Variants in FHIP2A observed in about 807,000 individuals in gnomAD.
The protein encoded by FHIP2A is family with sequence similarity 160 member B1.
Under a neutral mutation model 93.5 loss-of-function variants are expected in FHIP2A, and 46 were observed. The observed-to-expected ratio is 0.49, with a 90% confidence interval of 0.39 to 0.63. The LOEUF (loss-of-function observed/expected upper bound fraction) is 0.63, where lower values mean the gene tolerates loss of function less well. Among genes scored for constraint, FHIP2A ranks in the 20% least tolerant of loss-of-function variants. The pLI, the probability that FHIP2A is intolerant of heterozygous loss-of-function variation, is 0.00. For missense variants in FHIP2A, 769 were observed against 909.7 expected (o/e 0.85, Z 1.99); for synonymous variants, 332 against 326.5 (o/e 1.02, Z -0.18).
chr10:114,832,767 A>T (rs1450564933), intron 2 of FHIP2A, among the ~76,000 whole-genome samples: 1 of 143,268 alleles, frequency 7.0e-6, no homozygotes, highest in Non-Finnish European at 1.5e-5. Flanking sequence ...GCTGACGTTC[A>T]GTGGTGCGAT....
chr10:114,847,409 C>A (rs1040385196), intron 12 of FHIP2A, among the ~76,000 whole-genome samples, 176 bp downstream of exon 12: 4 of 151,962 alleles, frequency 2.6e-5, no homozygotes, highest in Non-Finnish European at 4.4e-5. Flanking sequence ...CTGCCCCAGC[C>A]TCCCAAGTAG....
intron 13 of FHIP2A, among the ~76,000 whole-genome samples, chr10:114,850,766 G>A (rs2083730220): frequency 6.6e-6 from 1 of 152,150 alleles, no homozygotes; most frequent in African/African-American, 2.4e-5. Context: ...TTGTTGAGTT[G>A]TAAGAGTCCC....
chr10:114,892,568 G>A (rs2083980582), intron 16 of FHIP2A, among the ~76,000 whole-genome samples: 1 of 152,122 alleles, frequency 6.6e-6, no homozygotes, highest in African/African-American at 2.4e-5. Flanking sequence ...AACCCGGGAG[G>A]AGGAGGTTGC....
chr10:114,846,505 G>A, intron 10 of FHIP2A, 54 bp from the exon 11 acceptor site: 3 of 1,500,762 alleles, frequency 2.0e-6, no homozygotes, highest in Non-Finnish European at 2.7e-6. Context: ...ATGGTAAGAA[G>A]AGTAACTTAT....
chr10:114,890,655 G>A (rs111444331), intron 16 of FHIP2A, among the ~76,000 whole-genome samples: 8,794 of 140,256 alleles, frequency 0.063, 455 homozygotes, highest in Admixed American at 0.14. Flanking sequence ...TGACATATAC[G>A]GTATATAAAA....
rs370166086 is a variant in FHIP2A at position 114,843,007 on chromosome 10, C to T, written c.597C>T (p.Ser199=). The change falls in exon 6 of 17, where the codon TCC becomes TCT. Residue 199 remains serine, a synonymous_variant. Coordinates refer to ENST00000369248, the MANE Select transcript of FHIP2A (RefSeq NM_020940.4). ...AAGATACATTAAAAGGTCAGGATTC[C>T]TTGTCAACAGATACAGGACAGTCCC... ...ISEDTLKGQD[S]LSTDTGQSRQ... 7 of 1,613,466 alleles carry T rather than the reference C, an allele frequency of 4.3e-6. No individual in the cohort carries two copies. The African/African-American group carries it at 9.3e-5, about 22-fold the overall frequency.
At chr10:114,824,138 A>G (rs2420066) in intron 1 of FHIP2A, among the ~76,000 whole-genome samples, 62,100 of 152,022 alleles carry the variant, frequency 0.41, 13,293 homozygotes, top group Non-Finnish European at 0.48. Flanking sequence ...AGGGACTTGA[A>G]CATCCTCAGA....
At chr10:114,856,944 A>G (rs1222211593) in intron 14 of FHIP2A, among the ~76,000 whole-genome samples, 2 of 152,052 alleles carry the variant, frequency 1.3e-5, no homozygotes, top group Non-Finnish European at 2.9e-5. Flanking sequence ...TTTTATCTTT[A>G]AAACTCTTGA....
rs1311958111 is a variant in FHIP2A, at chr10:114,835,492, A to G, written c.295-45A>G. On this transcript the variant is annotated intron_variant, in intron 3 of 16. Coordinates refer to ENST00000369248, the MANE Select transcript of FHIP2A (RefSeq NM_020940.4). ...TAAGCTTTTCAGTAAATGTGTTTGC[A>G]TTGTCTGTTGTTTTCCTGTTGGCTT... The G allele has an allele frequency of 1.0e-5, 12 of 1,162,134 alleles. No individual in the cohort carries two copies. In the East Asian group the frequency reaches 2.1e-4, roughly 20 times the overall value. 72.0% of individuals were successfully genotyped at this position (1,162,134 alleles called of 1,614,324 possible). A position where few individuals can be genotyped will look rare whatever the true frequency, so the allele number is the denominator to read the frequency against.
downstream of FHIP2A, among the ~76,000 whole-genome samples, chr10:114,867,579 A>G (rs1469733533): frequency 6.6e-6 from 1 of 152,202 alleles, no homozygotes; most frequent in African/African-American, 2.4e-5. Context: ...CTCTTTTGAC[A>G]GCGTTCTTTA....
chr10:114,886,306 A>C (rs570828714), intron 16 of FHIP2A, among the ~76,000 whole-genome samples: 1 of 152,294 alleles, frequency 6.6e-6, no homozygotes, highest in South Asian at 2.1e-4. Flanking sequence ...GTGGCTCTTG[A>C]ACAACAGGAG....
chr10:114,841,433 C>T (rs2083668384), intron 5 of FHIP2A, among the ~76,000 whole-genome samples: 1 of 151,690 alleles, frequency 6.6e-6, no homozygotes. Context: ...GCTGGGATTG[C>T]AGGCACATGC....
At chr10:114,832,876 T>C (rs1289499845) in intron 2 of FHIP2A, among the ~76,000 whole-genome samples, 1 of 152,052 alleles carries the variant, frequency 6.6e-6, no homozygotes, top group Non-Finnish European at 1.5e-5. Context: ...CACACACGGC[T>C]AATTTTTTTG....
chr10:114,859,677 T>G (rs756536260), intron 14 of FHIP2A, among the ~76,000 whole-genome samples: 27 of 152,258 alleles, frequency 1.8e-4, no homozygotes, highest in Admixed American at 6.5e-5. Flanking sequence ...GTGTGCCTTT[T>G]GCTTTGTTGA....
At chr10:114,843,674 G>C in intron 6 of FHIP2A, 67 bp from the exon 7 acceptor site, 1 of 1,185,806 alleles carries the variant, frequency 8.4e-7, no homozygotes, top group Non-Finnish European at 1.1e-6. Flanking sequence ...CTTTTATGTT[G>C]AATGTTTTCA....
chr10:114,881,261 A>T (rs1473012475), intron 16 of FHIP2A, among the ~76,000 whole-genome samples: 1 of 152,184 alleles, frequency 6.6e-6, no homozygotes, highest in Non-Finnish European at 1.5e-5. Context: ...AAATAAATAC[A>T]AGTTGACTGT....
intron 1 of FHIP2A, among the ~76,000 whole-genome samples, chr10:114,822,852 C>G (rs934172564): frequency 6.6e-6 from 1 of 152,200 alleles, no homozygotes; most frequent in Admixed American, 6.5e-5. Context: ...GGACACTCTT[C>G]GTTTATCCTG....
intron 16 of FHIP2A, among the ~76,000 whole-genome samples, chr10:114,884,641 G>A (rs1250563437): frequency 3.9e-5 from 6 of 152,166 alleles, no homozygotes; most frequent in Admixed American, 6.5e-5. Context: ...GGCCGGGCGC[G>A]GTGGCTCACG....
chr10:114,895,069 C>A (rs2083994374), intron 16 of FHIP2A, among the ~76,000 whole-genome samples: 1 of 152,114 alleles, frequency 6.6e-6, no homozygotes, highest in Non-Finnish European at 1.5e-5. Flanking sequence ...TGAACAGGCA[C>A]AATAGTTAAT....
Sources: gnomAD v4.1 joint callset for allele counts (sites outside exome capture counted in the v4.1 genomes callset) on GRCh38, gnomAD v4.1.1 for gene constraint, MANE v1.5 for transcripts, NCBI Gene and HGNC (gene_info 2026-07-23, HGNC 2026-07-21) for gene names.